WDR90: variants seen among roughly 807,000 people sequenced by gnomAD.
The protein encoded by WDR90 is WD repeat domain 90.
A neutral mutation model predicts 195.2 loss-of-function variants in WDR90; 238 were observed. The ratio of observed to expected loss-of-function variants is 1.22; its 90% CI spans 1.10 to 1.36. The LOEUF is 1.36. Ranked by LOEUF, WDR90 falls within the 40% of genes most tolerant of loss-of-function variation. The pLI, the probability that WDR90 is intolerant of heterozygous loss-of-function variation, is 0.00. For synonymous variants in WDR90, 1,265 were observed against 1,052.4 expected, an observed-to-expected ratio of 1.20 and a Z score of -3.91; for missense variants, 2,734 against 2,439.5, an observed-to-expected ratio of 1.12 and a Z score of -2.54.
At chr16:662,157 G>C in intron 32 of WDR90, 63 bp from the exon 33 acceptor site, 1 of 1,523,332 alleles carries the variant, frequency 6.6e-7, no homozygotes, top group Non-Finnish European at 8.8e-7. Flanking sequence ...CGTCCGGGCA[G>C]CCTTGTGACC....
At position 649,803 on chromosome 16, in the gene WDR90, G is replaced by A. The variant is rs1206155323; in HGVS notation, c.51G>A (p.Arg17=). 8.2e-6 allele frequency: 13 copies of A among 1,579,444 alleles called. No homozygotes were observed. Among genetic ancestry groups the A allele is most frequent in the East Asian group, 2.3e-5 (1 of 43,164 alleles). The change falls in exon 2 of 41, where the codon CGG becomes CGA. Residue 17 remains arginine (R), a synonymous_variant. Transcript: ENST00000293879. The part of the protein sequence containing the change: ...HPFLNVFRHF[R]VDEWKRSAKQ... ...TCCTCAACGTCTTCAGACACTTCCGGGTGGACGAGTGGAAGCGCTCCGCCA... is the reference window on the plus strand; with the variant it reads ...TCCTCAACGTCTTCAGACACTTCCGAGTGGACGAGTGGAAGCGCTCCGCCA...
rs370297502 is a variant in WDR90 at position 659,101 on chromosome 16, C to T, written c.3027C>T (p.Pro1009=). 1.7e-5 allele frequency: 28 copies of T among 1,612,484 alleles called. No individual in the cohort carries two copies. Among genetic ancestry groups the T allele is most frequent in the South Asian group, 1.3e-4 (12 of 91,084 alleles). Residue 1009 remains proline (P), a synonymous_variant, in exon 25 of 41, where the codon CCC becomes CCT. Coordinates refer to ENST00000293879, the MANE Select transcript of WDR90 (RefSeq NM_145294.5). ...CCCTCTCCAGCGACCAAAGCTTCCC[C>T]GGGGCCCCCCCAGCCTGCAAGACAG... is the stretch of plus-strand genomic sequence containing the variant. ...LAPTESDQSF[P]GAPPACKTGP...
rs753700785 is a variant in WDR90, at chr16:662,731, A to C, written c.4198A>C (p.Ser1400Arg). The C allele has an allele frequency of 1.0e-5, 16 of 1,594,754 alleles. No individual in the cohort carries two copies. The South Asian group carries it at 1.7e-4, about 17-fold the overall frequency. ...LVLDGAVVSA[S>R]FDDSVDMGVV... ...GCTGGACGGGGCTGTGGTGAGTGCC[A>C]GCTTCGATGACAGCGTGGACATGGG... The change falls in exon 34 of 41, where the codon AGC becomes CGC. Residue 1400 changes from serine to arginine, a missense_variant. Transcript: ENST00000293879.
At chr16:656,991 TG>T in intron 19 of WDR90, 99 bp from the exon 20 acceptor site, 1 of 1,558,916 alleles carries the variant, frequency 6.4e-7, no homozygotes, top group Non-Finnish European at 8.6e-7. Context: ...TGCTGCCCCA[TG>T]GGGACTTCCA....
Position 658,298 on chromosome 16 carries a change from A to G in WDR90, c.2720A>G (p.Asn907Ser). Residue 907 changes from asparagine to serine, a missense_variant, in exon 22 of 41, where the codon AAC (asparagine) becomes AGC (serine). Asn to Ser is a conservative substitution (Grantham distance 46). Transcript: ENST00000293879. ...CACCTGCTGGTGTCCACCTCGTCCA[A>G]CAGAGTCGTGGTGCTGGATGCTGTG... is the stretch of plus-strand genomic sequence containing the variant. ...LGHLLVSTSS[N>S]RVVVLDAVSG... The G allele has an allele frequency of 6.2e-7, 1 of 1,612,620 alleles. No homozygotes were observed. Among genetic ancestry groups the G allele is most frequent in the Admixed American group, 1.7e-5 (1 of 60,018 alleles).
In WDR90 at chr16:655,439, CG is replaced by C; in HGVS notation, c.1691del (p.Gly564AlafsTer227). On this transcript the variant is annotated frameshift_variant, in exon 15 of 41. Coordinates refer to ENST00000293879, the MANE Select transcript of WDR90 (RefSeq NM_145294.5). LOFTEE classifies it high-confidence loss of function. ...TDLAFKQARD[G>X]CPEPSAAMLF... ...ACCTGGCCTTCAAGCAGGCCCGGGACGGCTGCCCGGAGCCCTCGGCTGCCAT... is the reference window on the plus strand; with the variant it reads ...ACCTGGCCTTCAAGCAGGCCCGGGACGCTGCCCGGAGCCCTCGGCTGCCAT... 1 of 1,561,174 alleles carries C rather than the reference CG, an allele frequency of 6.4e-7. No individual in the cohort carries two copies.
intron 11 of WDR90, 23 bp downstream of exon 11, chr16:653,474 G>A: frequency 1.2e-6 from 2 of 1,612,440 alleles, no homozygotes; most frequent in East Asian, 4.5e-5. Context: ...CGGGCCTGGG[G>A]CAGCTCACAC....
intron 12 of WDR90, 33 bp downstream of exon 12, chr16:653,703 G>A (rs776565132): frequency 6.2e-6 from 10 of 1,613,076 alleles, no homozygotes; most frequent in Non-Finnish European, 6.8e-6. Context: ...CAGGGGGAGG[G>A]GGTCAGCCCA....
In WDR90 at chr16:659,242, C is replaced by T. The variant is rs1184218443; in HGVS notation, c.3053-3C>T. On this transcript the variant is annotated splice_polypyrimidine_tract_variant and splice_region_variant and intron_variant, in intron 25 of 40. Coordinates refer to ENST00000293879, the MANE Select transcript of WDR90 (RefSeq NM_145294.5). ...AAACATCACAGGGCTGCTTCTTCCC[C>T]AGGCCCGGGCGCAGGACCGCTGGAG... The T allele has an allele frequency of 1.2e-6, 2 of 1,611,632 alleles. No homozygotes were observed. Among genetic ancestry groups the T allele is most frequent in the South Asian group, 1.1e-5 (1 of 90,996 alleles).
chr16:661,010 C>CT (rs2037895019), intron 28 of WDR90, 41 bp from the exon 29 acceptor site: 2 of 126,850 alleles, frequency 1.6e-5, no homozygotes, highest in Admixed American at 2.0e-4. Context: ...GCCCCCCCCC[C>CT]CCCCCGGCCC....
rs757430459 is a variant in WDR90, at chr16:659,284, C to A, written c.3092C>A (p.Ala1031Asp). 1 of 1,606,254 alleles carries A rather than the reference C, an allele frequency of 6.2e-7. No homozygotes were observed. The highest frequency in any genetic ancestry group is 1.1e-5 in the South Asian group (1 of 90,226). The part of the protein sequence containing the change: ...AGPLEDAASR[A>D]SELPRQQVPK... Reference sequence around the variant, plus strand: ...CCGCTGGAGGACGCAGCGTCCAGGGCCAGCGAGCTCCCCCGGCAGCAGGTC... The same window carrying A: ...CCGCTGGAGGACGCAGCGTCCAGGGACAGCGAGCTCCCCCGGCAGCAGGTC... Residue 1031 changes from alanine (A) to aspartate (D), a missense_variant, in exon 26 of 41, where the codon GCC becomes GAC. Physicochemically the swap from Ala to Asp is moderately radical, Grantham distance 126. Transcript: ENST00000293879.
intron 1 of WDR90, 42 bp downstream of exon 1, chr16:649,468 G>C: frequency 2.3e-6 from 3 of 1,285,914 alleles, no homozygotes; most frequent in Non-Finnish European, 2.9e-6. Context: ...CCCGGGTTCC[G>C]GGGTTCCGGG....
At chr16:652,240 C>T (rs971623814) in intron 9 of WDR90, 14 of 807,566 alleles carry the variant, frequency 1.7e-5, no homozygotes, top group South Asian at 9.0e-5. Flanking sequence ...CTTCTGCTCA[C>T]CCCCAATGCG....
chr16:667,459 C>G lies in WDR90; in HGVS notation c.5117C>G (p.Ala1706Gly). 6.2e-7 allele frequency: 1 copy of G among 1,606,432 alleles called. No individual in the cohort carries two copies. The highest frequency in any genetic ancestry group is 8.5e-7 in the Non-Finnish European group (1 of 1,174,942). The change falls in exon 41 of 41, where the codon GCC becomes GGC. Residue 1706 changes from alanine to glycine, a missense_variant. Coordinates refer to ENST00000293879, the MANE Select transcript of WDR90 (RefSeq NM_145294.5). The stretch of plus-strand genomic sequence containing the variant: ...TGCATGCTGAGGCTGGTAGACTGTG[C>G]CATGGGGACTGCCCAAGACTTTGCC... ...AECMLRLVDC[A>G]MGTAQDFAGH...
intron 10 of WDR90, 104 bp downstream of exon 10, chr16:652,639 T>A: frequency 8.0e-7 from 1 of 1,253,178 alleles, no homozygotes. Context: ...GGTGGCTGTG[T>A]GTGGGCTCCC....
rs908558336 is a variant in WDR90 at position 662,826 on chromosome 16, C to T, written c.4293C>T (p.Ile1431=). The change falls in exon 34 of 41, where the codon ATC becomes ATT. Residue 1431 remains isoleucine, a synonymous_variant. Transcript: ENST00000293879. The part of the protein sequence containing the change: ...SWAEGTSTRL[I]SGHRSKVNEV... ...CCGAGGGCACCAGCACACGTCTCAT[C>T]AGTGGCCACAGGAGCAAGGTGAGGG... 2 of 1,573,496 alleles carry T rather than the reference C, an allele frequency of 1.3e-6. No individual in the cohort carries two copies. Among genetic ancestry groups the T allele is most frequent in the East Asian group, 4.7e-5 (2 of 42,720 alleles).
Position 653,470 on chromosome 16 carries a change from TG to T in WDR90, c.1233+23del. 1.2e-6 allele frequency: 2 copies of T among 1,612,364 alleles called. No individual in the cohort carries two copies. Among genetic ancestry groups the T allele is most frequent in the Non-Finnish European group, 1.7e-6 (2 of 1,179,490 alleles). ...AGACAAGGTGGGTGCTGCCCGGGCC[TG>T]GGGCAGCTCACACCTGCAGCCCCTA... On this transcript the variant is annotated intron_variant, in intron 11 of 40. Transcript: ENST00000293879.
chr16:655,809 C>G lies in WDR90; in HGVS notation c.1886C>G (p.Pro629Arg), dbSNP rs377343299. The G allele has an allele frequency of 4.4e-6, 7 of 1,592,284 alleles. No homozygotes were observed. The Admixed American group carries it at 5.3e-5, about 12-fold the overall frequency. The change falls in exon 17 of 41, where the codon CCG (proline) becomes CGG (arginine). Residue 629 changes from proline to arginine, a missense_variant. Coordinates refer to ENST00000293879, the MANE Select transcript of WDR90 (RefSeq NM_145294.5). Reference sequence around the variant, plus strand: ...GCCATCAGCAGCCTCAGCGTCTCCCCGGCCATGTGTGCTGTGGGCTCTGAG... The same window carrying G: ...GCCATCAGCAGCCTCAGCGTCTCCCGGGCCATGTGTGCTGTGGGCTCTGAG... ...GIAISSLSVS[P>R]AMCAVGSEDG...
At position 651,910 on chromosome 16, in the gene WDR90, C is replaced by G. The variant is rs1293411330; in HGVS notation, c.924C>G (p.Gly308=). 6.2e-7 allele frequency: 1 copy of G among 1,610,806 alleles called. No individual in the cohort carries two copies. ...GCTCAGACGCCTCCAACGCGGATGG[C>G]CCCGGTTTCCATAGCCTTGAGCCCT... ...QERSDASNAD[G]PGFHSLEPWA... The change falls in exon 9 of 41, where the codon GGC becomes GGG. Residue 308 remains glycine, a synonymous_variant. Coordinates refer to ENST00000293879, the MANE Select transcript of WDR90 (RefSeq NM_145294.5).
Sources: allele counts gnomAD v4.1 joint callset, GRCh38; gene constraint gnomAD v4.1.1; transcripts MANE v1.5; gene names NCBI Gene and HGNC (gene_info 2026-07-23, HGNC 2026-07-21).